The following KSR1 variants were observed in gnomAD, a reference collection of about 807,000 sequenced individuals.
KSR1 encodes kinase suppressor of ras.
KSR1 carries 35 observed loss-of-function variants against 92.9 expected under a neutral mutation model. The ratio of observed to expected loss-of-function variants is 0.38; its 90% CI spans 0.29 to 0.50. The LOEUF (loss-of-function observed/expected upper bound fraction) is 0.50, where lower values mean the gene tolerates loss of function less well. KSR1 is among the 20% of genes least tolerant of loss of function. The pLI, the probability that KSR1 is intolerant of heterozygous loss-of-function variation, is 0.94. For missense variants in KSR1, 972 were observed against 1,158.5 expected (o/e 0.84, Z 2.34); for synonymous variants, 467 against 472.6 (o/e 0.99, Z 0.15).
chr17:27,505,686 G>A (rs1485111354), intron 1 of KSR1, among the ~76,000 whole-genome samples: 1 of 152,196 alleles, frequency 6.6e-6, no homozygotes, highest in East Asian at 1.9e-4. Context: ...ATAAGTTAGT[G>A]TAATTACCAT....
chr17:27,600,985 CAG>C (rs2073536329), intron 10 of KSR1, among the ~76,000 whole-genome samples: 1 of 152,166 alleles, frequency 6.6e-6, no homozygotes, highest in Non-Finnish European at 1.5e-5. Context: ...AGGTGGGGCT[CAG>C]GGGGAGGAGG....
intron 3 of KSR1, among the ~76,000 whole-genome samples, chr17:27,580,136 TTGC>T (rs1396730635): frequency 6.6e-6 from 1 of 152,134 alleles, no homozygotes; most frequent in Non-Finnish European, 1.5e-5. Context: ...AATAGGCAAC[TTGC>T]AACTTTGGGG....
At chr17:27,582,061 T>C (rs1308605855) in intron 3 of KSR1, among the ~76,000 whole-genome samples, 1 of 152,098 alleles carries the variant, frequency 6.6e-6, no homozygotes, top group Non-Finnish European at 1.5e-5. Flanking sequence ...CTCTTAAAGA[T>C]TGGTCACCCC....
rs149549582 is a variant in KSR1, at chr17:27,490,865, G to T, written c.231+33991G>T. ...GTACAAGGTTGTTCATTGTGTAAAG[G>T]GTTAGAGACACCTAAATGTCCAGTA... On this transcript the variant is annotated intron_variant, in intron 1 of 20. Transcript: ENST00000644974. 3.4e-3 allele frequency among the ~76,000 whole-genome samples: 521 copies of T among 152,202 alleles called. 4 individuals carry two copies. Among genetic ancestry groups the T allele is most frequent in the Middle Eastern group, 0.01 (3 of 294 alleles).
At chr17:27,558,277 T>TA (rs1421987017) in intron 2 of KSR1, 1 of 151,864 alleles carries the variant, frequency 6.6e-6, no homozygotes, top group Non-Finnish European at 1.5e-5. Flanking sequence ...TCTTTTTTTT[T>TA]TTTTTTGTTT....
intron 1 of KSR1, 95 bp downstream of exon 1, chr17:27,456,969 C>G: frequency 5.7e-6 from 4 of 698,300 alleles, no homozygotes; most frequent in Non-Finnish European, 1.0e-5. Context: ...TCCTTGAGCC[C>G]GCGTCGCCCC....
intron 18 of KSR1, among the ~76,000 whole-genome samples, chr17:27,616,285 T>C (rs2074052615): frequency 6.6e-6 from 1 of 152,244 alleles, no homozygotes; most frequent in Non-Finnish European, 1.5e-5. Context: ...TTAGTGAGCC[T>C]ACATTTCTCT....
chr17:27,464,767 T>A (rs1441901188), intron 1 of KSR1, among the ~76,000 whole-genome samples: 1 of 151,406 alleles, frequency 6.6e-6, no homozygotes, highest in Non-Finnish European at 1.5e-5. Context: ...CCACTATCCA[T>A]TGGTTTTCAT....
intron 9 of KSR1, among the ~76,000 whole-genome samples, chr17:27,592,848 TA>T (rs1338844338): frequency 6.6e-6 from 1 of 152,220 alleles, no homozygotes; most frequent in African/African-American, 2.4e-5. Context: ...TCCTTTGAGC[TA>T]ACACTTCCTG....
At chr17:27,551,261 C>G (rs2071387146) in intron 2 of KSR1, among the ~76,000 whole-genome samples, 1 of 152,178 alleles carries the variant, frequency 6.6e-6, no homozygotes, top group African/African-American at 2.4e-5. Flanking sequence ...GTCTGTGCAG[C>G]CTACCCACCT....
At chr17:27,609,899 A>T in intron 16 of KSR1, 168 bp from the exon 17 acceptor site, 1 of 747,638 alleles carries the variant, frequency 1.3e-6, no homozygotes, top group Non-Finnish European at 2.1e-6. Context: ...AGAATTCCTC[A>T]AAAGCACCGG....
intron 1 of KSR1, among the ~76,000 whole-genome samples, chr17:27,509,921 G>C (rs2069537181): frequency 1.3e-5 from 2 of 152,236 alleles, no homozygotes; most frequent in Non-Finnish European, 2.9e-5. Flanking sequence ...GCAATACCCA[G>C]CCTTGGCTTT....
chr17:27,589,486 A>AGTTT (rs1172604915), intron 6 of KSR1, among the ~76,000 whole-genome samples: 2 of 152,158 alleles, frequency 1.3e-5, no homozygotes, highest in Non-Finnish European at 2.9e-5. Flanking sequence ...TCTCTGAGTT[A>AGTTT]GTTTCCTTGG....
intron 1 of KSR1, among the ~76,000 whole-genome samples, chr17:27,475,869 T>C (rs1203149042): frequency 2.0e-5 from 3 of 152,220 alleles, no homozygotes; most frequent in Admixed American, 2.0e-4. Flanking sequence ...AGCATATTCA[T>C]ACTGTTACAT....
intron 1 of KSR1, among the ~76,000 whole-genome samples, chr17:27,489,408 G>C (rs1470971420): frequency 1.3e-5 from 2 of 152,196 alleles, no homozygotes; most frequent in African/African-American, 4.8e-5. Context: ...CTGGTTTGGG[G>C]GTTCAAGCCC....
Position 27,550,526 on chromosome 17 carries a change from C to T in KSR1, c.232-42C>T, listed in dbSNP as rs773936905. 73 of 759,312 alleles carry T rather than the reference C, an allele frequency of 9.6e-5. No individual in the cohort carries two copies. In the South Asian group the frequency reaches 9.7e-4, roughly 10 times the overall value. 47.0% of individuals were successfully genotyped at this position (759,312 alleles called of 1,614,324 possible). On this transcript the variant is annotated intron_variant, in intron 1 of 20. Coordinates refer to ENST00000644974, the MANE Select transcript of KSR1 (RefSeq NM_001394583.1). The stretch of plus-strand genomic sequence containing the variant: ...TGCTTGGGCCTGCCATATGGTTGGG[C>T]TGCAGATGAACACAGGCTTTTCTTT...
In KSR1 at chr17:27,470,910, C is replaced by A. The variant is rs1417308514; in HGVS notation, c.231+14036C>A. On this transcript the variant is annotated intron_variant, in intron 1 of 20. Transcript: ENST00000644974. ...ATTTCAGACAGAGACTCACCCTGTC[C>A]CCCAGGCTGGAGTGCAGTGGCACAA... Among the ~76,000 whole-genome samples, 3 of 151,752 alleles carry A rather than the reference C, an allele frequency of 2.0e-5. No individual in the cohort carries two copies. The East Asian group carries it at 5.8e-4, about 29-fold the overall frequency.
chr17:27,617,515 C>G (rs2074097130), intron 19 of KSR1, 87 bp downstream of exon 19: 8 of 1,473,250 alleles, frequency 5.4e-6, no homozygotes, highest in Non-Finnish European at 7.3e-6. Flanking sequence ...GATCTTTCTG[C>G]CCAAGACTTT....
intron 19 of KSR1, among the ~76,000 whole-genome samples, chr17:27,619,694 G>A (rs1456864165): frequency 6.6e-6 from 1 of 151,216 alleles, no homozygotes; most frequent in Admixed American, 6.6e-5. Flanking sequence ...ACTGCACCCA[G>A]CCTCCAGGCC....
Sources: allele counts gnomAD v4.1 joint callset (sites outside exome capture counted in the v4.1 genomes callset), GRCh38; gene constraint gnomAD v4.1.1; transcripts MANE v1.5; gene names NCBI Gene and HGNC (gene_info 2026-07-23, HGNC 2026-07-21).